Variants in DLGAP2 observed in about 807,000 individuals in gnomAD.
The protein encoded by DLGAP2 is disks large-associated protein 2.
A neutral mutation model predicts 100.3 loss-of-function variants in DLGAP2; 26 were observed. That is an observed-to-expected ratio of 0.26 (90% CI 0.19 to 0.36). DLGAP2 has a LOEUF of 0.36. Among genes scored for constraint, DLGAP2 ranks in the 10% least tolerant of loss-of-function variants. The pLI is 1.00. For missense variants in DLGAP2, 1,858 were observed against 1,453.2 expected (o/e 1.28, Z -4.53); for synonymous variants, 886 against 630.1 (o/e 1.41, Z -6.08).
chr8:995,173 T>C (rs1261860123), intron 2 of DLGAP2, among the ~76,000 whole-genome samples: 4 of 152,206 alleles, frequency 2.6e-5, no homozygotes, highest in Admixed American at 2.0e-4. Flanking sequence ...TTTTTTCACA[T>C]TATACTGTAT....
intron 1 of DLGAP2, among the ~76,000 whole-genome samples, chr8:819,090 A>G (rs1399755909): frequency 2.0e-5 from 3 of 152,236 alleles, no homozygotes; most frequent in Non-Finnish European, 4.4e-5. Flanking sequence ...AGAATTTGAT[A>G]AGTATCACAG....
At chr8:1,667,578 C>T (rs556923487) in intron 8 of DLGAP2, among the ~76,000 whole-genome samples, 3 of 152,164 alleles carry the variant, frequency 2.0e-5, no homozygotes, top group African/African-American at 4.8e-5. Context: ...AGTAGCTATT[C>T]GTTATAATGA....
At chr8:1,199,668 C>T (rs955902235) in intron 2 of DLGAP2, among the ~76,000 whole-genome samples, 3 of 152,150 alleles carry the variant, frequency 2.0e-5, no homozygotes, top group Admixed American at 2.0e-4. Flanking sequence ...TGAAAAATCC[C>T]ACTTTCTGAT....
chr8:1,564,362 T>G (rs2956913), intron 5 of DLGAP2, among the ~76,000 whole-genome samples: 52,027 of 152,090 alleles, frequency 0.34, 10,071 homozygotes, highest in Admixed American at 0.48. Flanking sequence ...AATACTGGCC[T>G]GCACTGTCAT....
chr8:898,039 A>G (rs960522266), intron 1 of DLGAP2, among the ~76,000 whole-genome samples: 9 of 139,108 alleles, frequency 6.5e-5, no homozygotes, highest in Admixed American at 6.3e-4. Context: ...CCTGACCTGC[A>G]GTAAGTGGGT....
chr8:1,355,082 C>T (rs1395886126), intron 3 of DLGAP2, among the ~76,000 whole-genome samples: 1 of 152,088 alleles, frequency 6.6e-6, no homozygotes, highest in Non-Finnish European at 1.5e-5. Flanking sequence ...TGGAAAGTCA[C>T]GGATGATTCT....
At chr8:1,371,996 A>G (rs1292270955) in intron 3 of DLGAP2, among the ~76,000 whole-genome samples, 4 of 152,226 alleles carry the variant, frequency 2.6e-5, no homozygotes, top group Admixed American at 1.3e-4. Context: ...TGGCATTTCA[A>G]TGCTGCAGGT....
chr8:777,685 C>G (rs1225816831), intron 1 of DLGAP2, among the ~76,000 whole-genome samples: 1 of 152,108 alleles, frequency 6.6e-6, no homozygotes, highest in Non-Finnish European at 1.5e-5. Flanking sequence ...GGCCCCCACT[C>G]TCTTCTGGCT....
intron 2 of DLGAP2, among the ~76,000 whole-genome samples, chr8:1,058,486 C>G (rs776540897): frequency 6.6e-6 from 1 of 152,202 alleles, no homozygotes; most frequent in South Asian, 2.1e-4. Context: ...GCCCATGCAC[C>G]CATTCTCAGG....
At chr8:1,009,305 T>G (rs1045031791) in intron 2 of DLGAP2, among the ~76,000 whole-genome samples, 4 of 152,230 alleles carry the variant, frequency 2.6e-5, no homozygotes, top group South Asian at 2.1e-4. Flanking sequence ...TGTTCCCAGT[T>G]TCCATTTTAT....
chr8:1,025,927 G>A (rs977084561), intron 2 of DLGAP2, among the ~76,000 whole-genome samples: 3 of 152,196 alleles, frequency 2.0e-5, no homozygotes, highest in African/African-American at 4.8e-5. Context: ...GTTCCGTAGA[G>A]TTTCTAGGGA....
chr8:1,576,966 A>G (rs1206485220), intron 6 of DLGAP2, among the ~76,000 whole-genome samples: 1 of 152,218 alleles, frequency 6.6e-6, no homozygotes, highest in African/African-American at 2.4e-5. Flanking sequence ...CGCCAAGACA[A>G]TCCTAAGCCA....
intron 3 of DLGAP2, among the ~76,000 whole-genome samples, chr8:1,372,296 C>G (rs1802259572): frequency 6.6e-6 from 1 of 152,164 alleles, no homozygotes; most frequent in Admixed American, 6.5e-5. Context: ...ACCGTGCTGC[C>G]AACGCTGGGA....
chr8:1,113,968 T>C (rs1169627881), intron 2 of DLGAP2, among the ~76,000 whole-genome samples: 1 of 152,210 alleles, frequency 6.6e-6, no homozygotes, highest in Admixed American at 6.5e-5. Context: ...ATGGTTTTTG[T>C]CTTTAGTTCT....
At chr8:1,597,041 A>G (rs1021752729) in intron 6 of DLGAP2, among the ~76,000 whole-genome samples, 2 of 152,194 alleles carry the variant, frequency 1.3e-5, no homozygotes, top group African/African-American at 2.4e-5. Flanking sequence ...TAATTTTAGT[A>G]TAAGGTGTAA....
chr8:1,099,043 T>A (rs909717317), intron 2 of DLGAP2, among the ~76,000 whole-genome samples: 1 of 152,206 alleles, frequency 6.6e-6, no homozygotes, highest in Admixed American at 6.5e-5. Context: ...CTAGTGTGTA[T>A]TTTAGAAAAT....
intron 2 of DLGAP2, among the ~76,000 whole-genome samples, chr8:1,011,324 G>A (rs72507624): frequency 0.24 from 31,160 of 131,712 alleles, 4,841 homozygotes; most frequent in Admixed American, 0.32. Context: ...GTGGACCCTG[G>A]AATGAGGGGT....
chr8:1,257,980 G>A (rs1799264666), intron 2 of DLGAP2, among the ~76,000 whole-genome samples: 1 of 152,216 alleles, frequency 6.6e-6, no homozygotes, highest in African/African-American at 2.4e-5. Flanking sequence ...TTCCCATGAA[G>A]ACCTTGCACT....
At chr8:781,481 T>G (rs952537992) in intron 1 of DLGAP2, among the ~76,000 whole-genome samples, 1 of 152,106 alleles carries the variant, frequency 6.6e-6, no homozygotes, top group Non-Finnish European at 1.5e-5. Flanking sequence ...ATGAAAGCAT[T>G]TTGAGACTTG....
Sources: allele counts gnomAD v4.1 joint callset (sites outside exome capture counted in the v4.1 genomes callset), GRCh38; gene constraint gnomAD v4.1.1; transcripts MANE v1.5; gene names NCBI Gene and HGNC (gene_info 2026-07-23, HGNC 2026-07-21).